BBS2: variants seen among roughly 807,000 people sequenced by gnomAD.
BBS2 encodes the protein BBSome complex member BBS2.
BBS2 carries 62 observed loss-of-function variants against 83.0 expected under a neutral mutation model. The ratio of observed to expected loss-of-function variants is 0.75; its 90% CI spans 0.61 to 0.92. BBS2 has a LOEUF of 0.92. Ranked by LOEUF, BBS2 falls within the 40% of genes least tolerant of loss-of-function variation. The probability of loss-of-function intolerance (pLI) is 0.00; values close to 1 mark genes in which losing one functional copy is unlikely to be tolerated. For missense variants in BBS2, 784 were observed against 901.0 expected, an observed-to-expected ratio of 0.87 and a Z score of 1.66; for synonymous variants, 303 against 326.1, an observed-to-expected ratio of 0.93 and a Z score of 0.76.
intron 2 of BBS2, among the ~76,000 whole-genome samples, chr16:56,513,666 A>G (rs1372811310): frequency 2.0e-5 from 3 of 152,226 alleles, no homozygotes; most frequent in Admixed American, 2.0e-4. Context: ...CAGAAAGTAG[A>G]TAACTGGTTG....
In BBS2 at chr16:56,505,273, G is replaced by C. The variant is rs539185118; in HGVS notation, c.804+677C>G. ...CAGCTTTTTAGAATCCGTTCTTCACGTAACACCAAAGGAATGCTTACAAGG... is the reference window on the plus strand; with the variant it reads ...CAGCTTTTTAGAATCCGTTCTTCACCTAACACCAAAGGAATGCTTACAAGG... On this transcript the variant is annotated intron_variant, in intron 7 of 16. Transcript: ENST00000245157. Among the ~76,000 whole-genome samples, 29 of 152,276 alleles carry C rather than the reference G, an allele frequency of 1.9e-4. No individual in the cohort carries two copies. In the South Asian group the frequency reaches 6.0e-3, roughly 32 times the overall value.
intron 2 of BBS2, among the ~76,000 whole-genome samples, chr16:56,511,789 G>A (rs1287591979): frequency 1.3e-5 from 2 of 152,122 alleles, no homozygotes; most frequent in African/African-American, 2.4e-5. Flanking sequence ...GAACAAAAAC[G>A]ATGTGACCTT....
Position 56,506,033 on chromosome 16 carries a change from T to C in BBS2, c.721A>G (p.Lys241Glu). 1 of 1,613,944 alleles carries C rather than the reference T, an allele frequency of 6.2e-7. No individual in the cohort carries two copies. Among genetic ancestry groups the C allele is most frequent in the African/African-American group, 1.3e-5 (1 of 75,056 alleles). ...KTSRYWRIKSKNHAMSIHAFD... is the reference protein window; with the variant it reads ...KTSRYWRIKSENHAMSIHAFD... ...GCATGAATGCTCATGGCATGATTTT[T>C]CGACTGAAAAAGAATTTTAATAATT... The change falls in exon 7 of 17, where the codon AAA becomes GAA. Residue 241 changes from lysine (K) to glutamate (E), a missense_variant. Transcript: ENST00000245157.
At chr16:56,503,337 C>T (rs1248532494) in intron 7 of BBS2, among the ~76,000 whole-genome samples, 1 of 152,108 alleles carries the variant, frequency 6.6e-6, no homozygotes, top group Non-Finnish European at 1.5e-5. Context: ...CACAGAAGTA[C>T]GTAATAAATG....
chr16:56,476,212 T>C (rs762182845), intron 17 of BBS2: 9 of 1,603,594 alleles, frequency 5.6e-6, no homozygotes, highest in Middle Eastern at 2.2e-4. Context: ...ATGACAGCAC[T>C]GGGCAAAGCT....
intron 17 of BBS2, chr16:56,476,066 G>T (rs1378287388): frequency 1.2e-6 from 2 of 1,612,928 alleles, no homozygotes; most frequent in South Asian, 2.2e-5. Context: ...AATCCAGAAA[G>T]CAATTCTTTG....
At chr16:56,500,746 A>T in intron 11 of BBS2, 108 bp downstream of exon 11, 1 of 1,161,426 alleles carries the variant, frequency 8.6e-7, no homozygotes, top group Non-Finnish European at 1.3e-6. Context: ...CAGAACCATT[A>T]AATGGTTTCT....
rs1354385806 is a variant in BBS2 at position 56,519,818 on chromosome 16, G to C, written c.45C>G (p.Ser15Arg). 2.5e-6 allele frequency: 4 copies of C among 1,613,870 alleles called. No individual in the cohort carries two copies. The highest frequency in any genetic ancestry group is 3.4e-6 in the Non-Finnish European group (4 of 1,179,830). The change falls in exon 1 of 17, where the codon AGC (serine) becomes AGG (arginine). Residue 15 changes from serine (S) to arginine (R), a missense_variant. Physicochemically the swap from Ser to Arg is moderately radical, Grantham distance 110 (BLOSUM62 -1). Transcript: ENST00000245157. Reference sequence around the variant, plus strand: ...AGCGCCCTATGGCCACCATTCGGGGGCTGATTTTGTGGCGCAGTTTCAGGG... The same window carrying C: ...AGCGCCCTATGGCCACCATTCGGGGCCTGATTTTGTGGCGCAGTTTCAGGG... ...VFTLKLRHKI[S>R]PRMVAIGRYD...
chr16:56,509,013 T>G (rs1363712738), intron 5 of BBS2, among the ~76,000 whole-genome samples: 1 of 152,176 alleles, frequency 6.6e-6, no homozygotes, highest in East Asian at 1.9e-4. Context: ...CATGAGTGAT[T>G]CTAATCACAA....
intron 15 of BBS2, among the ~76,000 whole-genome samples, chr16:56,491,712 T>A (rs1597007346): frequency 1.0e-5 from 1 of 97,356 alleles, no homozygotes; most frequent in African/African-American, 4.1e-5. Flanking sequence ...AAATGGCTCC[T>A]ACAACTCAAC....
In BBS2 at chr16:56,499,882, T is replaced by C; in HGVS notation, c.1423A>G (p.Thr475Ala). 1 of 1,614,144 alleles carries C rather than the reference T, an allele frequency of 6.2e-7. No individual in the cohort carries two copies. The highest frequency in any genetic ancestry group is 8.5e-7 in the Non-Finnish European group (1 of 1,180,014). ...ATGGAGAATCGAGGGAGCTGTCTTG[T>C]CGATTCAAATACATGAAACTGGGTG... The part of the protein sequence containing the change: ...SSTQFHVFES[T>A]RQLPRFSMYA... The change falls in exon 12 of 17, where the codon ACA (threonine) becomes GCA (alanine). Residue 475 changes from threonine to alanine, a missense_variant. By Grantham distance (58) the Thr-to-Ala change is moderately conservative. Transcript: ENST00000245157.
At chr16:56,517,342 T>A (rs1159280491) in intron 1 of BBS2, among the ~76,000 whole-genome samples, 3 of 152,216 alleles carry the variant, frequency 2.0e-5, no homozygotes, top group Non-Finnish European at 4.4e-5. Flanking sequence ...CCACCCTCAT[T>A]GCCTTCCAGC....
At position 56,501,415 on chromosome 16, in the gene BBS2, G is replaced by A. The variant is rs745820842; in HGVS notation, c.1163C>T (p.Ser388Leu). ...PANTRLHTTL[S>L]VSLGNETQTA... ...TTGGGTCTCATTCCCCAGGCTGACT[G>A]AGAGCGTGGTGTGGAGCCTGGTATT... Residue 388 changes from serine (S) to leucine (L), a missense_variant, in exon 10 of 17, where the codon TCA becomes TTA. Physicochemically the swap from Ser to Leu is moderately radical, Grantham distance 145. Transcript: ENST00000245157. 8 of 1,614,176 alleles carry A rather than the reference G, an allele frequency of 5.0e-6. No individual in the cohort carries two copies. The South Asian group carries it at 8.8e-5, about 18-fold the overall frequency.
chr16:56,502,991 C>T (rs1364363900), intron 7 of BBS2, among the ~76,000 whole-genome samples, 183 bp from the exon 8 acceptor site: 2 of 152,208 alleles, frequency 1.3e-5, no homozygotes, highest in African/African-American at 2.4e-5. Flanking sequence ...CCTAAAGAGC[C>T]TCAACCAGCT....
chr16:56,478,730 C>T (rs955942681), intron 17 of BBS2: 1 of 152,174 alleles, frequency 6.6e-6, no homozygotes, highest in Non-Finnish European at 1.5e-5. Context: ...TTTTTAGTGT[C>T]TCCTTTATCT....
rs549876470 is a variant in BBS2, at chr16:56,493,500, T to C, written c.1910+3467A>G. Among the ~76,000 whole-genome samples, 14 of 151,664 alleles carry C rather than the reference T, an allele frequency of 9.2e-5. No homozygotes were observed. The South Asian group carries it at 2.5e-3, about 27-fold the overall frequency. On this transcript the variant is annotated intron_variant, in intron 15 of 16. Transcript: ENST00000245157. ...GTATATATCTGTGTGTATCTGCATA[T>C]ATATACTTAAATGTTCAACTGGTTA... is the stretch of plus-strand genomic sequence containing the variant.
downstream of BBS2, among the ~76,000 whole-genome samples, chr16:56,480,603 C>G (rs1488506837): frequency 6.6e-6 from 1 of 152,012 alleles, no homozygotes; most frequent in Non-Finnish European, 1.5e-5. Context: ...GTTGGCCAGG[C>G]TGGTCTCAAA....
rs567700710 is a variant in BBS2 at position 56,489,277 on chromosome 16, G to A, written c.1911-3539C>T. The stretch of plus-strand genomic sequence containing the variant: ...GATCCCTTGTACCTGGGAGGCCGAG[G>A]TTGCAGTGAGCTGTGATCACACCAC... On this transcript the variant is annotated intron_variant, in intron 15 of 16. Transcript: ENST00000245157. Among the ~76,000 whole-genome samples the A allele has an allele frequency of 3.9e-5, 6 of 152,298 alleles. No individual in the cohort carries two copies. In the South Asian group the frequency reaches 1.0e-3, roughly 26 times the overall value.
rs1964875843 is a variant in BBS2, at chr16:56,519,955, A to G, written c.-93T>C. ...CCCGGGCAAGAAGTGCAGGGACACT[A>G]CCTGCGCGGCCCCAGCCGCCTCAGG... On this transcript the variant is annotated 5_prime_UTR_variant, in exon 1 of 17. Transcript: ENST00000245157. 7.2e-6 allele frequency: 8 copies of G among 1,114,874 alleles called. No homozygotes were observed. Among genetic ancestry groups the G allele is most frequent in the Non-Finnish European group, 1.1e-5 (8 of 744,060 alleles). The allele number at this position is 1,114,874 out of a possible 1,614,324, so 69.1% of individuals were successfully genotyped here.
Sources: allele counts gnomAD v4.1 joint callset (sites outside exome capture counted in the v4.1 genomes callset), GRCh38; gene constraint gnomAD v4.1.1; transcripts MANE v1.5; gene names NCBI Gene and HGNC (gene_info 2026-07-23, HGNC 2026-07-21).